The following ALS2 variants were observed in gnomAD, a reference collection of about 807,000 sequenced individuals.
ALS2 encodes the protein alsin.
Under a neutral mutation model 203.4 loss-of-function variants are expected in ALS2, and 117 were observed. The ratio of observed to expected loss-of-function variants is 0.58; its 90% CI spans 0.50 to 0.67. The LOEUF is 0.67. Ranked by LOEUF, ALS2 falls within the 30% of genes least tolerant of loss-of-function variation. The probability of loss-of-function intolerance (pLI) is 0.00; values close to 1 mark genes in which losing one functional copy is unlikely to be tolerated. For missense variants in ALS2, 1,715 were observed against 1,989.4 expected (o/e 0.86, Z 2.62); for synonymous variants, 718 against 725.9 (o/e 0.99, Z 0.17).
chr2:201,744,458 A>C, intron 9 of ALS2, 29 bp from the exon 10 acceptor site: 1 of 1,599,190 alleles, frequency 6.3e-7, no homozygotes, highest in East Asian at 2.3e-5. Context: ...AAAGGATTAA[A>C]TATAACATAT....
In ALS2 at chr2:201,760,732, T is replaced by G. The variant is rs796627506; in HGVS notation, c.1113+149A>C. 4.9e-6 allele frequency: 7 copies of G among 1,434,374 alleles called. No individual in the cohort carries two copies. In the African/African-American group the frequency reaches 1.0e-4, roughly 21 times the overall value. The allele number at this position is 1,434,374 out of a possible 1,614,324, so 88.9% of individuals were successfully genotyped here. On this transcript the variant is annotated intron_variant, in intron 4 of 33. Transcript: ENST00000264276. The stretch of plus-strand genomic sequence containing the variant: ...TTTGAATTAATCCAGGTTCTTTCCT[T>G]TATCTAGGCTTGCCTGATAAAACAA...
chr2:201,731,970 C>A (rs1168135867), intron 13 of ALS2, among the ~76,000 whole-genome samples: 1 of 152,172 alleles, frequency 6.6e-6, no homozygotes, highest in East Asian at 1.9e-4. Context: ...ATGAAAGCTA[C>A]ATCCAGGGAA....
chr2:201,747,607 C>T (rs1381987241), intron 8 of ALS2, among the ~76,000 whole-genome samples: 3 of 151,978 alleles, frequency 2.0e-5, no homozygotes, highest in Non-Finnish European at 4.4e-5. Flanking sequence ...CCCGCTACCA[C>T]GCCCGGCTAA....
Position 201,701,806 on chromosome 2 carries a change from T to C in ALS2, c.*45A>G, listed in dbSNP as rs769636487. The C allele has an allele frequency of 8.2e-6, 13 of 1,591,324 alleles. No homozygotes were observed. In the Admixed American group the frequency reaches 1.2e-4, roughly 14 times the overall value. On this transcript the variant is annotated 3_prime_UTR_variant, in exon 34 of 34. Coordinates refer to ENST00000264276, the MANE Select transcript of ALS2 (RefSeq NM_020919.4). Reference sequence around the variant, plus strand: ...TACAGGAAGACTCCAGATGGTGTTATAACACTCTGTAGTAGATAATCCAGT... The same window carrying C: ...TACAGGAAGACTCCAGATGGTGTTACAACACTCTGTAGTAGATAATCCAGT...
At chr2:201,704,054 C>T (rs991547302) in intron 33 of ALS2, 68 bp downstream of exon 33, 2 of 1,396,274 alleles carry the variant, frequency 1.4e-6, no homozygotes, top group Non-Finnish European at 2.0e-6. Context: ...TGGTTAATGG[C>T]ATTTATAATA....
chr2:201,718,379 C>G (rs761030317), intron 23 of ALS2, among the ~76,000 whole-genome samples, 169 bp from the exon 24 acceptor site: 17 of 152,218 alleles, frequency 1.1e-4, no homozygotes, highest in Non-Finnish European at 2.5e-4. Flanking sequence ...CCTGCCTCAG[C>G]CTCCCAAGTA....
At chr2:201,722,238 T>C (rs1690848362) in intron 23 of ALS2, 1 of 152,198 alleles carries the variant, frequency 6.6e-6, no homozygotes, top group Admixed American at 6.5e-5. Flanking sequence ...AATAAGCATG[T>C]TCTACATCAT....
In ALS2 at chr2:201,761,418, C is replaced by G. The variant is rs368315644; in HGVS notation, c.576G>C (p.Pro192=). The G allele has an allele frequency of 1.4e-4, 224 of 1,607,642 alleles. No individual in the cohort carries two copies. The highest frequency in any genetic ancestry group is 6.7e-4 in the Admixed American group (40 of 59,856). ...LITTAFPVTK[P]QKVEHLAGRV... Reference sequence around the variant, plus strand: ...GCCCAGCAAGATGTTCTACCTTTTGCGGCTTTGTCACTGGGAAGGCAGTGG... The same window carrying G: ...GCCCAGCAAGATGTTCTACCTTTTGGGGCTTTGTCACTGGGAAGGCAGTGG... The change falls in exon 4 of 34, where the codon CCG becomes CCC. Residue 192 remains proline, a synonymous_variant. Coordinates refer to ENST00000264276, the MANE Select transcript of ALS2 (RefSeq NM_020919.4).
At chr2:201,721,864 C>T (rs542832301) in intron 23 of ALS2, 1 of 152,230 alleles carries the variant, frequency 6.6e-6, no homozygotes, top group South Asian at 2.1e-4. Flanking sequence ...GGGGTTTCAC[C>T]ATGTTTGCCA....
rs753787597 is a variant in ALS2 at position 201,705,210 on chromosome 2, AG to A, written c.4627-11del. 1.2e-6 allele frequency: 2 copies of A among 1,613,850 alleles called. No individual in the cohort carries two copies. The highest frequency in any genetic ancestry group is 4.5e-5 in the East Asian group (2 of 44,844). On this transcript the variant is annotated splice_polypyrimidine_tract_variant and intron_variant, in intron 30 of 33. Transcript: ENST00000264276. ...TCGTGGTTGGCAAAACCTGCAAAAA[AG>A]AGAGTGAAGGTCAAGGAGGAAAACT...
intron 19 of ALS2, 99 bp downstream of exon 19, chr2:201,726,385 T>A: frequency 1.8e-6 from 2 of 1,100,268 alleles, no homozygotes; most frequent in Non-Finnish European, 2.8e-6. Flanking sequence ...ACAACAAAAA[T>A]CTACTACTTG....
chr2:201,741,206 G>A (rs1047609580), intron 11 of ALS2: 7 of 153,204 alleles, frequency 4.6e-5, no homozygotes, highest in Non-Finnish European at 8.7e-5. Context: ...GTTTTATTAA[G>A]GAAAAACATC....
Position 201,757,758 on chromosome 2 carries a change from G to C in ALS2, c.1115C>G (p.Pro372Arg), listed in dbSNP as rs190369242. 1.4e-3 allele frequency: 2,272 copies of C among 1,603,366 alleles called. 4 individuals carry two copies. The highest frequency in any genetic ancestry group is 5.8e-3 in the Middle Eastern group (35 of 6,058). ...EHGEKPVPSQ[P>R]LLEEAIPNLH... The stretch of plus-strand genomic sequence containing the variant: ...ATTAGGAATTGCTTCTTCTAAAAGA[G>C]GCTAAAATATACACACATAAAAAAT... The change falls in exon 5 of 34, where the codon CCT becomes CGT. Residue 372 changes from proline (P) to arginine (R), a missense_variant and splice_region_variant. Pro to Arg is a moderately radical substitution (Grantham distance 103). Around this residue, in one of 3 missense-constraint regions of ALS2, gnomAD observed 476 missense variants for 539.3 expected, o/e 0.88. Coordinates refer to ENST00000264276, the MANE Select transcript of ALS2 (RefSeq NM_020919.4).
chr2:201,724,047 G>A (rs1574699633), intron 21 of ALS2, among the ~76,000 whole-genome samples: 2 of 152,158 alleles, frequency 1.3e-5, no homozygotes, highest in Admixed American at 6.5e-5. Context: ...GAACCCAGGA[G>A]GCAGAGATTG....
chr2:201,757,791 A>C (rs1193896734), intron 4 of ALS2, 32 bp from the exon 5 acceptor site: 1 of 1,474,160 alleles, frequency 6.8e-7, no homozygotes, highest in African/African-American at 1.4e-5. Context: ...AATTATATAA[A>C]AATATAATCC....
At chr2:201,723,159 A>G (rs746823237) in intron 22 of ALS2, 39 bp from the exon 23 acceptor site, 2 of 1,543,342 alleles carry the variant, frequency 1.3e-6, no homozygotes, top group African/African-American at 2.7e-5. Context: ...AACACATAAA[A>G]TACAGAGTAA....
intron 13 of ALS2, 147 bp downstream of exon 13, chr2:201,733,129 G>A: frequency 1.1e-6 from 1 of 913,012 alleles, no homozygotes; most frequent in Non-Finnish European, 1.6e-6. Flanking sequence ...ACTTTCCTCT[G>A]TCATTTCCCT....
At chr2:201,769,074 A>ACT (rs1312036572) in intron 1 of ALS2, 129 bp from the exon 2 acceptor site, 2 of 538,716 alleles carry the variant, frequency 3.7e-6, no homozygotes, top group Non-Finnish European at 6.5e-6. Context: ...AACTATTTAA[A>ACT]CTATTTCATA....
chr2:201,749,776 C>A lies in ALS2; in HGVS notation c.1751G>T (p.Gly584Val). The A allele has an allele frequency of 6.2e-7, 1 of 1,613,956 alleles. No individual in the cohort carries two copies. The highest frequency in any genetic ancestry group is 8.5e-7 in the Non-Finnish European group (1 of 1,179,908). The stretch of plus-strand genomic sequence containing the variant: ...CCCAAGTTGACCAAAGGTATTGCTA[C>A]CCCATGAGTAAACCTATCAAAAAAA... ...LTAKSQVYSWGSNTFGQLGHS... is the reference protein window; with the variant it reads ...LTAKSQVYSWVSNTFGQLGHS... The change falls in exon 8 of 34, where the codon GGT becomes GTT. Residue 584 changes from glycine to valine, a missense_variant. Physicochemically the swap from Gly to Val is moderately radical, Grantham distance 109. Transcript: ENST00000264276.
Sources: allele counts gnomAD v4.1 joint callset (sites outside exome capture counted in the v4.1 genomes callset), GRCh38; gene constraint gnomAD v4.1.1; regional missense constraint gnomAD v4.1.1; transcripts MANE v1.5; gene names NCBI Gene and HGNC (gene_info 2026-07-23, HGNC 2026-07-21).